Variants in CSMD1 observed in about 807,000 individuals in gnomAD.
The protein encoded by CSMD1 is CUB and sushi domain-containing protein 1.
A neutral mutation model predicts 417.5 loss-of-function variants in CSMD1; 213 were observed. That is an observed-to-expected ratio of 0.51 (90% confidence interval 0.46 to 0.57). The LOEUF is 0.57. Among genes scored for constraint, CSMD1 ranks in the 20% least tolerant of loss-of-function variants. The pLI is 0.00. For missense variants in CSMD1, 6,923 were observed against 4,529.7 expected, an observed-to-expected ratio of 1.53 and a Z score of -15.17; for synonymous variants, 2,862 against 1,736.8, an observed-to-expected ratio of 1.65 and a Z score of -16.11.
chr8:4,693,912 T>C (rs1444810218), intron 1 of CSMD1, among the ~76,000 whole-genome samples: 1 of 106,538 alleles, frequency 9.4e-6, no homozygotes, highest in Non-Finnish European at 1.9e-5. Context: ...TTTGCAGTTA[T>C]TTTCAAAGGT....
chr8:3,461,626 C>T (rs1045185645), intron 12 of CSMD1, among the ~76,000 whole-genome samples: 14 of 152,194 alleles, frequency 9.2e-5, no homozygotes, highest in African/African-American at 2.7e-4. Context: ...GTAAGCTATC[C>T]CTGTGGCCCA....
chr8:3,295,217 C>G (rs145795904), intron 25 of CSMD1, among the ~76,000 whole-genome samples: 8 of 151,978 alleles, frequency 5.3e-5, no homozygotes, highest in African/African-American at 9.7e-5. Flanking sequence ...CTCTGCCACC[C>G]GGGTTCATGC....
chr8:3,672,836 G>A (rs764953704), intron 7 of CSMD1, among the ~76,000 whole-genome samples: 1 of 152,206 alleles, frequency 6.6e-6, no homozygotes, highest in African/African-American at 2.4e-5. Context: ...ATGGGCAATA[G>A]ACTTGGAGAC....
intron 50 of CSMD1, among the ~76,000 whole-genome samples, chr8:3,046,053 T>A (rs1426681428): frequency 7.9e-5 from 12 of 152,198 alleles, no homozygotes. Flanking sequence ...TGACTTTTAC[T>A]TTTGGAGAAA....
At chr8:4,908,632 A>G (rs1805461181) in intron 1 of CSMD1, among the ~76,000 whole-genome samples, 1 of 150,986 alleles carries the variant, frequency 6.6e-6, no homozygotes, top group Non-Finnish European at 1.5e-5. Context: ...TCTAGGCTAT[A>G]TTCAGTCTAG....
chr8:3,398,528 A>G (rs555848003), intron 16 of CSMD1, among the ~76,000 whole-genome samples: 1 of 152,320 alleles, frequency 6.6e-6, no homozygotes, highest in East Asian at 1.9e-4. Flanking sequence ...TTGAAAACAA[A>G]AAGATAATAA....
intron 1 of CSMD1, among the ~76,000 whole-genome samples, chr8:4,914,633 A>C (rs1234717246): frequency 5.3e-5 from 8 of 151,838 alleles, no homozygotes; most frequent in Non-Finnish European, 1.2e-4. Context: ...GGTCGCCTTT[A>C]ACTTCTGCAA....
At chr8:3,093,404 C>G (rs891403188) in intron 47 of CSMD1, among the ~76,000 whole-genome samples, 2 of 152,152 alleles carry the variant, frequency 1.3e-5, no homozygotes, top group African/African-American at 2.4e-5. Context: ...TGGTGGCTCA[C>G]ACCTGTAATC....
intron 5 of CSMD1, among the ~76,000 whole-genome samples, chr8:3,771,780 G>T (rs1031266587): frequency 6.6e-6 from 1 of 152,146 alleles, no homozygotes; most frequent in Non-Finnish European, 1.5e-5. Flanking sequence ...TCTCTCCATT[G>T]CAGGAAAGAA....
chr8:3,407,014 G>C (rs1277644013), intron 14 of CSMD1, among the ~76,000 whole-genome samples: 1 of 152,130 alleles, frequency 6.6e-6, no homozygotes, highest in Non-Finnish European at 1.5e-5. Flanking sequence ...TGGTTGTATA[G>C]ATGGGAGGAA....
At chr8:4,877,056 A>C (rs1006472121) in intron 1 of CSMD1, among the ~76,000 whole-genome samples, 1 of 152,128 alleles carries the variant, frequency 6.6e-6, no homozygotes, top group Admixed American at 6.5e-5. Context: ...TGTGGAGATT[A>C]ATTTTAACAG....
At chr8:3,011,311 C>T (rs749127049) in intron 52 of CSMD1, among the ~76,000 whole-genome samples, 26 of 152,188 alleles carry the variant, frequency 1.7e-4, no homozygotes, top group South Asian at 4.2e-4. Context: ...ACACTTAAGA[C>T]GGTATGGCAA....
chr8:3,411,736 G>A (rs1224138198), intron 12 of CSMD1, among the ~76,000 whole-genome samples: 2 of 126,558 alleles, frequency 1.6e-5, no homozygotes, highest in African/African-American at 3.2e-5. Flanking sequence ...ATATATACAC[G>A]TGTATATATA....
intron 1 of CSMD1, among the ~76,000 whole-genome samples, chr8:4,669,009 C>A (rs918451535): frequency 6.6e-6 from 1 of 152,138 alleles, no homozygotes; most frequent in African/African-American, 2.4e-5. Flanking sequence ...TCCTTTTAAT[C>A]TCACTCATTT....
At chr8:4,296,663 T>C (rs1294245344) in intron 3 of CSMD1, among the ~76,000 whole-genome samples, 3 of 150,604 alleles carry the variant, frequency 2.0e-5, no homozygotes, top group Non-Finnish European at 4.4e-5. Context: ...TGGAGGTCCC[T>C]AGGCTTGGGT....
intron 4 of CSMD1, among the ~76,000 whole-genome samples, chr8:4,027,054 C>T (rs1435558872): frequency 1.3e-5 from 2 of 152,160 alleles, no homozygotes; most frequent in Admixed American, 6.5e-5. Flanking sequence ...GGAAAAGAAG[C>T]AGATAGTTCT....
intron 25 of CSMD1, among the ~76,000 whole-genome samples, chr8:3,299,076 T>A (rs570955856): frequency 5.7e-4 from 87 of 152,276 alleles, no homozygotes; most frequent in Middle Eastern, 6.9e-3. Context: ...TGTAGGTAAG[T>A]GTCAGTCATT....
intron 3 of CSMD1, among the ~76,000 whole-genome samples, chr8:4,146,081 G>A (rs1011296118): frequency 2.7e-5 from 4 of 150,924 alleles, no homozygotes; most frequent in African/African-American, 9.9e-5. Context: ...GCAATTGCAT[G>A]TATCTGCCTC....
intron 5 of CSMD1, among the ~76,000 whole-genome samples, chr8:3,937,348 A>C (rs1396275880): frequency 6.6e-6 from 1 of 152,166 alleles, no homozygotes; most frequent in South Asian, 2.1e-4. Context: ...GAAATATTTC[A>C]TTAAAGGAGG....
Sources: gnomAD v4.1 joint callset for allele counts (sites outside exome capture counted in the v4.1 genomes callset) on GRCh38, gnomAD v4.1.1 for gene constraint, MANE v1.5 for transcripts, NCBI Gene and HGNC (gene_info 2026-07-23, HGNC 2026-07-21) for gene names.